The following RHOT1 variants were observed in gnomAD, a reference collection of about 807,000 sequenced individuals.
The protein encoded by RHOT1 is ras homolog family member T1.
A neutral mutation model predicts 95.3 loss-of-function variants in RHOT1; 27 were observed. The ratio of observed to expected loss-of-function variants is 0.28; its 90% CI spans 0.21 to 0.39. The LOEUF (loss-of-function observed/expected upper bound fraction) is 0.39, where lower values mean the gene tolerates loss of function less well. Among genes scored for constraint, RHOT1 ranks in the 10% least tolerant of loss-of-function variants. RHOT1 has a pLI of 1.00. For synonymous variants in RHOT1, 227 were observed against 263.5 expected, an observed-to-expected ratio of 0.86 and a Z score of 1.34; for missense variants, 578 against 786.7, an observed-to-expected ratio of 0.73 and a Z score of 3.17.
intron 1 of RHOT1, among the ~76,000 whole-genome samples, chr17:32,160,752 C>T (rs568140638): frequency 6.6e-6 from 1 of 152,332 alleles, no homozygotes; most frequent in African/African-American, 2.4e-5. Flanking sequence ...AGCCGGCGTG[C>T]CTGGCTGTGC....
chr17:32,145,527 T>C (rs1332117281), intron 1 of RHOT1, among the ~76,000 whole-genome samples: 2 of 152,226 alleles, frequency 1.3e-5, no homozygotes, highest in Non-Finnish European at 2.9e-5. Context: ...CCACTGGCTT[T>C]GGCCTTGACT....
At chr17:32,209,454 C>A in intron 18 of RHOT1, 1 of 1,492,678 alleles carries the variant, frequency 6.7e-7, no homozygotes, top group Non-Finnish European at 9.3e-7. Context: ...TTGTAAGTTA[C>A]TTTTTCTTTA....
intron 8 of RHOT1, among the ~76,000 whole-genome samples, chr17:32,184,246 C>T (rs1356370673): frequency 3.3e-5 from 5 of 151,996 alleles, no homozygotes; most frequent in East Asian, 1.9e-4. Context: ...CCTATTGTCC[C>T]GTTACTCAGC....
In RHOT1 at chr17:32,199,022, G is replaced by A. The variant is rs771872270; in HGVS notation, c.945G>A (p.Lys315=). ...TATTTCTCCAAAGCACCTTTGACAA[G>A]CATGATTTGGTAAGCCTTTAGCTGT... ...AYLFLQSTFD[K]HDLDRDCALS... Residue 315 remains lysine (K), a synonymous_variant, in exon 12 of 20, where the codon AAG becomes AAA. Coordinates refer to ENST00000545287, the MANE Select transcript of RHOT1 (RefSeq NM_001033566.3). The A allele has an allele frequency of 1.2e-6, 2 of 1,602,870 alleles. No homozygotes were observed. Among genetic ancestry groups the A allele is most frequent in the South Asian group, 2.2e-5 (2 of 90,590 alleles).
At chr17:32,182,469 G>C (rs550732483) in intron 6 of RHOT1, among the ~76,000 whole-genome samples, 1 of 152,258 alleles carries the variant, frequency 6.6e-6, no homozygotes, top group South Asian at 2.1e-4. Context: ...CTGGACAACA[G>C]AGCTAGACCC....
At chr17:32,169,822 AT>A (rs1459034306) in intron 1 of RHOT1, among the ~76,000 whole-genome samples, 1 of 152,046 alleles carries the variant, frequency 6.6e-6, no homozygotes, top group Non-Finnish European at 1.5e-5. Context: ...CCTGGGCGAC[AT>A]GACGAAACCC....
chr17:32,172,871 C>G (rs1297390581), intron 2 of RHOT1: 1 of 152,150 alleles, frequency 6.6e-6, no homozygotes, highest in Non-Finnish European at 1.5e-5. Flanking sequence ...AAACATAAGG[C>G]TTATGTAGCC....
chr17:32,151,603 C>T (rs2032303133), intron 1 of RHOT1: 3 of 291,824 alleles, frequency 1.0e-5, no homozygotes, highest in Non-Finnish European at 2.0e-5. Context: ...GAAATCATGG[C>T]CCGGAGCAGT....
chr17:32,163,019 TTGAG>T (rs1164596765), intron 1 of RHOT1, among the ~76,000 whole-genome samples: 2 of 152,008 alleles, frequency 1.3e-5, no homozygotes, highest in African/African-American at 4.8e-5. Context: ...TTTGAGCAAA[TTGAG>T]TGGGGGATAG....
intron 1 of RHOT1, chr17:32,150,416 A>T: frequency 1.8e-6 from 1 of 551,166 alleles, no homozygotes. Flanking sequence ...GTCCATATTT[A>T]TTAGTACTCT....
chr17:32,201,725 G>T (rs941924386), intron 14 of RHOT1, among the ~76,000 whole-genome samples: 1 of 152,016 alleles, frequency 6.6e-6, no homozygotes, highest in African/African-American at 2.4e-5. Flanking sequence ...TGTATCAATA[G>T]GTATACTTTT....
At chr17:32,197,663 C>T (rs1222942147) in intron 11 of RHOT1, among the ~76,000 whole-genome samples, 9 of 152,060 alleles carry the variant, frequency 5.9e-5, no homozygotes, top group African/African-American at 1.4e-4. Context: ...CTCTTGACCT[C>T]GTGATCTGCC....
intron 1 of RHOT1, among the ~76,000 whole-genome samples, chr17:32,160,814 G>C (rs2033468267): frequency 6.6e-6 from 1 of 152,208 alleles, no homozygotes; most frequent in Non-Finnish European, 1.5e-5. Flanking sequence ...CTTTGTGCCT[G>C]GCTCACCTTT....
chr17:32,208,576 A>G (rs2142895764), intron 18 of RHOT1: 1 of 315,188 alleles, frequency 3.2e-6, no homozygotes, highest in East Asian at 5.3e-5. Context: ...ACAACCCCCC[A>G]CCCAGCATTA....
intron 4 of RHOT1, 126 bp from the exon 5 acceptor site, chr17:32,175,836 G>T: frequency 1.7e-6 from 1 of 581,528 alleles, no homozygotes; most frequent in Non-Finnish European, 2.8e-6. Flanking sequence ...TTCTTTTTTT[G>T]TTTTTTTGTT....
intron 8 of RHOT1, among the ~76,000 whole-genome samples, chr17:32,185,621 T>A (rs147522304): frequency 6.8e-4 from 104 of 152,202 alleles, no homozygotes; most frequent in African/African-American, 2.4e-3. Context: ...TTGCCCAGGT[T>A]GGTCTTAAAC....
chr17:32,217,848 A>ATATTT (rs549701029), intron 19 of RHOT1, among the ~76,000 whole-genome samples: 7,091 of 151,056 alleles, frequency 0.047, 559 homozygotes, highest in African/African-American at 0.16. Context: ...TTAATTTTTA[A>ATATTT]TATTTTATTT....
chr17:32,174,399 A>G (rs1993790), intron 3 of RHOT1, among the ~76,000 whole-genome samples: 42,840 of 151,930 alleles, frequency 0.28, 7,918 homozygotes, highest in African/African-American at 0.53. Context: ...GGCTTGCATT[A>G]TCTGTATGTT....
chr17:32,148,015 C>CA (rs1424442880), intron 1 of RHOT1, among the ~76,000 whole-genome samples: 3 of 152,140 alleles, frequency 2.0e-5, no homozygotes, highest in Non-Finnish European at 2.9e-5. Flanking sequence ...CCTGTAATCC[C>CA]AGCACTTTGG....
Sources: gnomAD v4.1 joint callset for allele counts (sites outside exome capture counted in the v4.1 genomes callset) on GRCh38, gnomAD v4.1.1 for gene constraint, MANE v1.5 for transcripts, NCBI Gene and HGNC (gene_info 2026-07-23, HGNC 2026-07-21) for gene names.